DGKD: variants seen among roughly 807,000 people sequenced by gnomAD.
The protein encoded by DGKD is diacylglycerol kinase delta.
Under a neutral mutation model 154.4 loss-of-function variants are expected in DGKD, and 68 were observed. The observed-to-expected ratio is 0.44, with a 90% CI of 0.36 to 0.54. The LOEUF is 0.54. Among genes scored for constraint, DGKD ranks in the 20% least tolerant of loss-of-function variants. The pLI, the probability that DGKD is intolerant of heterozygous loss-of-function variation, is 0.00. For missense variants in DGKD, 1,343 were observed against 1,593.6 expected (o/e 0.84, Z 2.68); for synonymous variants, 693 against 638.0 (o/e 1.09, Z -1.30).
chr2:233,359,929 A>G (rs1343402761), intron 1 of DGKD, among the ~76,000 whole-genome samples: 2 of 152,188 alleles, frequency 1.3e-5, no homozygotes, highest in Non-Finnish European at 1.5e-5. Flanking sequence ...ATTTGACCTG[A>G]TATCAGGGAG....
chr2:233,437,152 G>C (rs999604895), intron 7 of DGKD, among the ~76,000 whole-genome samples: 2 of 152,206 alleles, frequency 1.3e-5, no homozygotes, highest in Non-Finnish European at 2.9e-5. Context: ...AGCATGACTG[G>C]CTCCTGCCGG....
chr2:233,369,282 A>G (rs957744771), intron 1 of DGKD, among the ~76,000 whole-genome samples: 4 of 151,828 alleles, frequency 2.6e-5, no homozygotes, highest in African/African-American at 9.7e-5. Flanking sequence ...CACCAGTGAC[A>G]TTTTCTGTAA....
At chr2:233,360,739 T>G (rs1446521335) in intron 1 of DGKD, among the ~76,000 whole-genome samples, 1 of 152,122 alleles carries the variant, frequency 6.6e-6, no homozygotes, top group Non-Finnish European at 1.5e-5. Flanking sequence ...AAACTCTAAA[T>G]CCAGTGTTGG....
At chr2:233,420,467 C>T (rs2062079156) in intron 3 of DGKD, among the ~76,000 whole-genome samples, 1 of 152,202 alleles carries the variant, frequency 6.6e-6, no homozygotes, top group African/African-American at 2.4e-5. Context: ...TCGTTTCTTC[C>T]TGCTCCCCCT....
At chr2:233,448,894 A>G (rs1376585965) in intron 14 of DGKD, among the ~76,000 whole-genome samples, 2 of 152,218 alleles carry the variant, frequency 1.3e-5, no homozygotes, top group East Asian at 1.9e-4. Context: ...TGGACAGCCA[A>G]TTTCCCCAAT....
At chr2:233,379,154 C>CGGTGATAGCTAGTTCTGCCTGGGGGGA (rs1318838370) in intron 1 of DGKD, among the ~76,000 whole-genome samples, 2 of 152,104 alleles carry the variant, frequency 1.3e-5, no homozygotes, top group African/African-American at 4.8e-5. Flanking sequence ...ACTTGCAAAG[C>CGGTGATAGCTAGTTCTGCCTGGGGGGA]GGTGATAGCT....
chr2:233,398,771 C>T (rs2061485593), intron 3 of DGKD, among the ~76,000 whole-genome samples: 1 of 152,034 alleles, frequency 6.6e-6, no homozygotes, highest in African/African-American at 2.4e-5. Flanking sequence ...ATTACAGGCT[C>T]CCGCCACCAC....
At chr2:233,465,705 G>T (rs2063803012) in intron 27 of DGKD, among the ~76,000 whole-genome samples, 1 of 152,088 alleles carries the variant, frequency 6.6e-6, no homozygotes, top group East Asian at 1.9e-4. Flanking sequence ...GTAAAAGAAA[G>T]TAAAGGACCA....
At chr2:233,415,918 C>T (rs185551873) in intron 3 of DGKD, among the ~76,000 whole-genome samples, 1 of 152,236 alleles carries the variant, frequency 6.6e-6, no homozygotes, top group African/African-American at 2.4e-5. Flanking sequence ...AGCTGCTGCG[C>T]CCAACCAGGC....
intron 3 of DGKD, among the ~76,000 whole-genome samples, 182 bp from the exon 4 acceptor site, chr2:233,434,198 A>G (rs528777926): frequency 8.5e-4 from 130 of 152,308 alleles, no homozygotes; most frequent in African/African-American, 3.0e-3. Context: ...TTTTGGTTTG[A>G]GATCATTCTT....
rs533903625 is a variant in DGKD at position 233,393,770 on chromosome 2, G to A, written c.348+3287G>A. 1.0e-4 allele frequency among the ~76,000 whole-genome samples: 15 copies of A among 144,102 alleles called. 1 individual carries two copies. The East Asian group carries it at 1.5e-3, about 14-fold the overall frequency. The allele number at this position is 144,102 out of a possible 152,430, so 94.5% of individuals were successfully genotyped here. On this transcript the variant is annotated intron_variant, in intron 3 of 29. Transcript: ENST00000264057. ...GTGGTCTCGGCTCTCTGCAGCCTCC[G>A]CCTCCTGGGTTCCAGTGATTCTCCT... is the stretch of plus-strand genomic sequence containing the variant.
chr2:233,385,801 A>G (rs1575013485), intron 1 of DGKD: 1 of 371,314 alleles, frequency 2.7e-6, no homozygotes, highest in Non-Finnish European at 5.4e-6. Flanking sequence ...ACTCACAAGC[A>G]GCGAATCAGG....
At chr2:233,405,220 C>T (rs1308057206) in intron 3 of DGKD, among the ~76,000 whole-genome samples, 1 of 152,128 alleles carries the variant, frequency 6.6e-6, no homozygotes, top group Non-Finnish European at 1.5e-5. Context: ...GAGGTAGAAA[C>T]TTTAAGAGGT....
chr2:233,446,055 T>A (rs2063058636), intron 11 of DGKD, among the ~76,000 whole-genome samples: 2 of 152,122 alleles, frequency 1.3e-5, no homozygotes, highest in African/African-American at 4.8e-5. Context: ...CTTTGGCTGC[T>A]TCAGCCCGAG....
At chr2:233,385,070 G>A (rs1239720889) in intron 1 of DGKD, among the ~76,000 whole-genome samples, 1 of 152,214 alleles carries the variant, frequency 6.6e-6, no homozygotes, top group Non-Finnish European at 1.5e-5. Context: ...GTGTCAGAGA[G>A]GGGGCAACCT....
chr2:233,375,899 C>A (rs549400683), intron 1 of DGKD, among the ~76,000 whole-genome samples: 1 of 152,222 alleles, frequency 6.6e-6, no homozygotes, highest in East Asian at 1.9e-4. Flanking sequence ...GTCAAGTATC[C>A]CTCTGATGGA....
Position 233,441,683 on chromosome 2 carries a change from G to T in DGKD, c.1086-204G>T, listed in dbSNP as rs1343471719. ...CGTGGCTGGTGGGAGCAGTTGGCTG[G>T]ACCCCAGTGCTGCTGTCGTCCCTTT... is the stretch of plus-strand genomic sequence containing the variant. On this transcript the variant is annotated intron_variant, in intron 9 of 29. Transcript: ENST00000264057. This position sits in a 1 kb window ranked among gnomAD's most constrained non-coding sequence, Gnocchi z 5.6. Among the ~76,000 whole-genome samples, 1 of 151,988 alleles carries T rather than the reference G, an allele frequency of 6.6e-6. No homozygotes were observed. The highest frequency in any genetic ancestry group is 1.5e-5 in the Non-Finnish European group (1 of 67,964).
chr2:233,445,612 T>C lies in DGKD; in HGVS notation c.1195-11T>C, dbSNP rs2063040281. The stretch of plus-strand genomic sequence containing the variant: ...GTGTTTGCCTGCGCATCGTCCCCCA[T>C]GTTTCCTTAGTGTCAGCTGGGAGTG... On this transcript the variant is annotated splice_polypyrimidine_tract_variant and intron_variant, in intron 10 of 29. Transcript: ENST00000264057. This position sits in a 1 kb window ranked among gnomAD's most constrained non-coding sequence, Gnocchi z 5.5. 3 of 1,600,430 alleles carry C rather than the reference T, an allele frequency of 1.9e-6. No homozygotes were observed. The highest frequency in any genetic ancestry group is 2.6e-6 in the Non-Finnish European group (3 of 1,173,152).
rs2062845330 is a variant in DGKD at position 233,440,373 on chromosome 2, T to A, written c.1086-1514T>A. Among the ~76,000 whole-genome samples, 1 of 152,186 alleles carries A rather than the reference T, an allele frequency of 6.6e-6. No individual in the cohort carries two copies. Among genetic ancestry groups the A allele is most frequent in the African/African-American group, 2.4e-5 (1 of 41,444 alleles). The stretch of plus-strand genomic sequence containing the variant: ...TGAGCACTCATTCTGGGTCAGACAC[T>A]GAGCTCGAGGCAGGGTGCGCAGGTG... On this transcript the variant is annotated intron_variant, in intron 9 of 29. Coordinates refer to ENST00000264057, the MANE Select transcript of DGKD (RefSeq NM_152879.3). This position sits in a 1 kb window ranked among gnomAD's most constrained non-coding sequence, Gnocchi z 4.9.
Sources: allele counts gnomAD v4.1 joint callset (sites outside exome capture counted in the v4.1 genomes callset), GRCh38; gene constraint gnomAD v4.1.1; non-coding constraint Gnocchi (gnomAD v3.1); transcripts MANE v1.5; gene names NCBI Gene and HGNC (gene_info 2026-07-23, HGNC 2026-07-21).